Variants in NDUFAF6 observed in about 807,000 individuals in gnomAD.
The protein encoded by NDUFAF6 is NADH:ubiquinone oxidoreductase complex assembly factor 6.
In NDUFAF6, 45 loss-of-function variants were observed where a neutral mutation model predicts 40.8. That is an observed-to-expected ratio of 1.10 (90% CI 0.87 to 1.42). The LOEUF (loss-of-function observed/expected upper bound fraction) is 1.42. Ranked by LOEUF, NDUFAF6 falls within the 40% of genes most tolerant of loss-of-function variation. The probability of loss-of-function intolerance (pLI) is 0.00; values close to 1 mark genes in which losing one functional copy is unlikely to be tolerated. For missense variants in NDUFAF6, 435 were observed against 418.5 expected (o/e 1.04, Z -0.34); for synonymous variants, 185 against 155.9 (o/e 1.19, Z -1.39).
At chr8:95,022,692 G>A (rs1232406566), upstream of NDUFAF6, among the ~76,000 whole-genome samples, 29 of 151,802 alleles carry the variant, frequency 1.9e-4, no homozygotes, top group Admixed American at 1.9e-3. Flanking sequence ...CATTTAAAAT[G>A]GGGAAGGCCT....
intron 2 of NDUFAF6, among the ~76,000 whole-genome samples, chr8:95,006,994 C>CAAA (rs772778989): frequency 7.4e-6 from 1 of 134,450 alleles, no homozygotes. Context: ...AATATAAGGG[C>CAAA]AAAAAAAAAA....
intron 2 of NDUFAF6, among the ~76,000 whole-genome samples, chr8:94,993,840 C>G (rs1826299666): frequency 6.6e-6 from 1 of 152,154 alleles, no homozygotes; most frequent in Admixed American, 6.5e-5. Context: ...TTTTTACACA[C>G]AACAGTCATT....
intron 1 of NDUFAF6, among the ~76,000 whole-genome samples, chr8:94,944,672 C>G (rs939367824): frequency 6.6e-6 from 1 of 152,196 alleles, no homozygotes; most frequent in African/African-American, 2.4e-5. Context: ...CATGGCACAT[C>G]TGCTGACACC....
At chr8:94,942,430 T>C (rs1586743871) in intron 1 of NDUFAF6, among the ~76,000 whole-genome samples, 1 of 152,160 alleles carries the variant, frequency 6.6e-6, no homozygotes, top group Non-Finnish European at 1.5e-5. Context: ...CCTGCTTCCA[T>C]CCACCACTCT....
downstream of NDUFAF6, among the ~76,000 whole-genome samples, chr8:95,063,697 A>C (rs1255541598): frequency 6.6e-6 from 1 of 152,206 alleles, no homozygotes; most frequent in Non-Finnish European, 1.5e-5. Context: ...GCTTAGTTAT[A>C]TAATAATATC....
chr8:95,064,214 C>T lies in NDUFAF6; in HGVS notation c.*512-11419C>T, dbSNP rs73278549. 4.3e-3 allele frequency among the ~76,000 whole-genome samples: 653 copies of T among 152,004 alleles called. 5 individuals are homozygous for T. The highest frequency in any genetic ancestry group is 0.015 in the African/African-American group (633 of 41,462). On this transcript the variant is annotated intron_variant and NMD_transcript_variant, in intron 9 of 9. Transcript: ENST00000520757. ...CTCTTGTTGCAGTTTTATATGATGTCAGTTTTCTAAATTGATTAAGAAATT... is the reference window on the plus strand; with the variant it reads ...CTCTTGTTGCAGTTTTATATGATGTTAGTTTTCTAAATTGATTAAGAAATT...
chr8:94,946,611 C>A (rs973704124), intron 2 of NDUFAF6, among the ~76,000 whole-genome samples: 1 of 146,204 alleles, frequency 6.8e-6, no homozygotes, highest in Non-Finnish European at 1.5e-5. Context: ...GTAGGAGGAT[C>A]GCTTGAGCCC....
intron 1 of NDUFAF6, among the ~76,000 whole-genome samples, chr8:94,943,843 T>A (rs1340073998): frequency 2.6e-5 from 4 of 152,224 alleles, no homozygotes; most frequent in Non-Finnish European, 4.4e-5. Context: ...CCAGTCTTCC[T>A]GAAACCTTCT....
chr8:94,943,820 G>A (rs1821765254), intron 1 of NDUFAF6, among the ~76,000 whole-genome samples: 2 of 152,224 alleles, frequency 1.3e-5, no homozygotes, highest in South Asian at 4.1e-4. Flanking sequence ...AACAGGAAGT[G>A]TCACTTGCAT....
chr8:94,930,416 T>C, intron 1 of NDUFAF6: 1 of 1,597,994 alleles, frequency 6.3e-7, no homozygotes, highest in Non-Finnish European at 8.6e-7. Context: ...TCACTGTACA[T>C]ATACACACAT....
chr8:94,941,197 C>CCTG, intron 1 of NDUFAF6: 1 of 327,924 alleles, frequency 3.0e-6, no homozygotes, highest in Non-Finnish European at 5.5e-6. Context: ...ATGCCTTGGC[C>CCTG]TACATTCTAC....
At chr8:94,915,004 T>C (rs1819033429) in intron 1 of NDUFAF6, among the ~76,000 whole-genome samples, 1 of 152,162 alleles carries the variant, frequency 6.6e-6, no homozygotes, top group Non-Finnish European at 1.5e-5. Flanking sequence ...TGGGCTTTGA[T>C]TGAACTCATC....
chr8:94,914,745 C>T (rs1371075232), intron 1 of NDUFAF6, among the ~76,000 whole-genome samples: 5 of 151,712 alleles, frequency 3.3e-5, no homozygotes, highest in African/African-American at 7.3e-5. Flanking sequence ...GGTGAAACCC[C>T]GTCTCTACTA....
upstream of NDUFAF6, among the ~76,000 whole-genome samples, chr8:94,956,145 GC>G (rs141657948): frequency 0.026 from 3,970 of 152,306 alleles, 83 homozygotes; most frequent in Non-Finnish European, 0.038. Context: ...TGATTAGAAT[GC>G]CTCCTTCAGT....
At chr8:95,025,821 G>T (rs1478313423) in intron 1 of NDUFAF6, among the ~76,000 whole-genome samples, 1 of 152,148 alleles carries the variant, frequency 6.6e-6, no homozygotes, top group Non-Finnish European at 1.5e-5. Context: ...TTTGTTTGTC[G>T]GGCGTAGTGC....
At chr8:95,073,118 G>C (rs1563853761) in intron 9 of NDUFAF6, 1 of 152,690 alleles carries the variant, frequency 6.5e-6, no homozygotes, top group East Asian at 1.9e-4. Flanking sequence ...GAATAGACGC[G>C]CTGAGGGCTA....
chr8:94,967,688 C>G (rs1276779118), intron 1 of NDUFAF6, among the ~76,000 whole-genome samples: 1 of 151,954 alleles, frequency 6.6e-6, no homozygotes, highest in Middle Eastern at 3.2e-3. Context: ...CGTCTGTAAT[C>G]CCAGCACTTT....
At chr8:94,999,880 C>T (rs559003652) in intron 2 of NDUFAF6, among the ~76,000 whole-genome samples, 1 of 152,260 alleles carries the variant, frequency 6.6e-6, no homozygotes, top group East Asian at 1.9e-4. Context: ...ATGACCATGA[C>T]CACTTTCTGA....
intron 9 of NDUFAF6, chr8:95,067,727 G>C (rs938511546): frequency 6.6e-6 from 1 of 152,016 alleles, no homozygotes; most frequent in African/African-American, 2.4e-5. Flanking sequence ...TGAAAGTCCT[G>C]ACTCTCCACT....
Sources: allele counts gnomAD v4.1 joint callset (sites outside exome capture counted in the v4.1 genomes callset), GRCh38; gene constraint gnomAD v4.1.1; transcripts MANE v1.5; gene names NCBI Gene and HGNC (gene_info 2026-07-23, HGNC 2026-07-21).